Variants in XRCC4 observed in about 807,000 individuals in gnomAD.
XRCC4 encodes DNA repair protein XRCC4.
A neutral mutation model predicts 39.1 loss-of-function variants in XRCC4; 28 were observed. The ratio of observed to expected loss-of-function variants is 0.72; its 90% CI spans 0.53 to 0.98. The LOEUF is 0.98. XRCC4 is among the 50% of genes least tolerant of loss of function. The probability of loss-of-function intolerance (pLI) is 0.00; values close to 1 mark genes in which losing one functional copy is unlikely to be tolerated. For synonymous variants in XRCC4, 123 were observed against 126.4 expected, an observed-to-expected ratio of 0.97 and a Z score of 0.18; for missense variants, 350 against 376.4, an observed-to-expected ratio of 0.93 and a Z score of 0.58.
intron 6 of XRCC4, among the ~76,000 whole-genome samples, chr5:83,227,524 G>A (rs1347541332): frequency 6.6e-6 from 1 of 151,940 alleles, no homozygotes; most frequent in African/African-American, 2.4e-5. Context: ...AATTATCTAC[G>A]TGATTTTTAC....
intron 7 of XRCC4, among the ~76,000 whole-genome samples, chr5:83,309,266 C>CAAAAAAAAAAAAAA (rs59326460): frequency 5.8e-5 from 1 of 17,388 alleles, no homozygotes; most frequent in African/African-American, 1.3e-4. Context: ...GACTCCGTCT[C>CAAAAAAAAAAAAAA]AAAAAAAAAA....
intron 7 of XRCC4, among the ~76,000 whole-genome samples, chr5:83,340,876 C>T (rs1756736854): frequency 6.6e-6 from 1 of 152,194 alleles, no homozygotes; most frequent in South Asian, 2.1e-4. Context: ...AATCACTAAC[C>T]TCCATGGCTA....
intron 2 of XRCC4, among the ~76,000 whole-genome samples, chr5:83,105,382 C>G (rs1212300206): frequency 6.6e-6 from 1 of 152,118 alleles, no homozygotes; most frequent in Non-Finnish European, 1.5e-5. Flanking sequence ...GGGAAGAAGT[C>G]TGGGGCAGAG....
At chr5:83,360,746 C>T in the XRCC4 span, among the ~76,000 whole-genome samples, 870 of 151,920 alleles carry the variant, frequency 5.7e-3, 4 homozygotes, top group Admixed American at 0.011. Context: ...GCCCACTCCC[C>T]TGAAACCTTT....
chr5:83,119,306 T>G (rs111256402), intron 3 of XRCC4, among the ~76,000 whole-genome samples: 13 of 152,202 alleles, frequency 8.5e-5, no homozygotes, highest in African/African-American at 2.7e-4. Context: ...GATGTGTTGT[T>G]TGAATGCCTG....
chr5:83,270,605 C>T (rs1397882859), intron 7 of XRCC4, among the ~76,000 whole-genome samples: 2 of 151,890 alleles, frequency 1.3e-5, no homozygotes, highest in Non-Finnish European at 2.9e-5. Context: ...CTTTATACTT[C>T]TCCGCATGTC....
chr5:83,179,163 T>G (rs1750093836), intron 3 of XRCC4, among the ~76,000 whole-genome samples: 1 of 152,202 alleles, frequency 6.6e-6, no homozygotes, highest in Non-Finnish European at 1.5e-5. Flanking sequence ...AGAAGAAGCA[T>G]TTTTAGTGTT....
chr5:83,218,522 C>CA (rs1751960508), intron 6 of XRCC4, among the ~76,000 whole-genome samples: 1 of 151,974 alleles, frequency 6.6e-6, no homozygotes, highest in African/African-American at 2.4e-5. Context: ...TTTGAGGATA[C>CA]AGTTTTAAAA....
chr5:83,135,824 CT>C (rs534482506), intron 3 of XRCC4, among the ~76,000 whole-genome samples: 23 of 152,166 alleles, frequency 1.5e-4, no homozygotes, highest in Non-Finnish European at 2.9e-4. Context: ...TTGTAATAAC[CT>C]TTAATGACCT....
At chr5:83,304,098 A>G (rs1180319227) in intron 7 of XRCC4, among the ~76,000 whole-genome samples, 6 of 152,130 alleles carry the variant, frequency 3.9e-5, no homozygotes, top group Non-Finnish European at 8.8e-5. Context: ...ATATGATCTG[A>G]AACTGTAAAA....
At chr5:83,080,893 G>T (rs911454062) in intron 1 of XRCC4, among the ~76,000 whole-genome samples, 1 of 152,184 alleles carries the variant, frequency 6.6e-6, no homozygotes, top group Non-Finnish European at 1.5e-5. Context: ...TGTTGATGTT[G>T]TTAAGAACTA....
intron 7 of XRCC4, among the ~76,000 whole-genome samples, chr5:83,349,838 G>A (rs1281146343): frequency 6.6e-6 from 1 of 152,034 alleles, no homozygotes; most frequent in Non-Finnish European, 1.5e-5. Context: ...TGATACTGAG[G>A]TTTAGGATAG....
chr5:83,183,434 G>GTGTGTA (rs1750293253), intron 3 of XRCC4, among the ~76,000 whole-genome samples: 1 of 151,372 alleles, frequency 6.6e-6, no homozygotes, highest in Non-Finnish European at 1.5e-5. Flanking sequence ...GTGTGTGTGT[G>GTGTGTA]TGTGTGTGTG....
intron 3 of XRCC4, among the ~76,000 whole-genome samples, chr5:83,138,219 G>A (rs1747993378): frequency 6.6e-6 from 1 of 152,116 alleles, no homozygotes. Context: ...CATAGTCAGA[G>A]CACACATTAT....
the XRCC4 span, among the ~76,000 whole-genome samples, chr5:83,362,294 C>CAAAAAAAAAAAAAAA: frequency 6.8e-5 from 5 of 73,166 alleles, no homozygotes; most frequent in East Asian, 1.0e-3. Flanking sequence ...GCTATTTAGG[C>CAAAAAAAAAAAAAAA]AAAAAAAAAA....
intron 3 of XRCC4, among the ~76,000 whole-genome samples, chr5:83,159,091 A>G (rs1749088560): frequency 6.6e-6 from 1 of 152,174 alleles, no homozygotes. Context: ...GAGATTAATG[A>G]ACAGAGGACT....
At chr5:83,130,032 C>T (rs916252178) in intron 3 of XRCC4, among the ~76,000 whole-genome samples, 15 of 152,118 alleles carry the variant, frequency 9.9e-5, no homozygotes, top group Middle Eastern at 3.4e-3. Flanking sequence ...GAGAGGGCAT[C>T]CCTGTCTTGT....
At chr5:83,294,968 G>T (rs1036311578) in intron 7 of XRCC4, among the ~76,000 whole-genome samples, 16 of 151,978 alleles carry the variant, frequency 1.1e-4, no homozygotes, top group African/African-American at 2.4e-4. Context: ...GACAAATAAT[G>T]CTTCCCTGGA....
chr5:83,254,240 A>G (rs1442593734), intron 6 of XRCC4, among the ~76,000 whole-genome samples: 1 of 152,082 alleles, frequency 6.6e-6, no homozygotes, highest in Non-Finnish European at 1.5e-5. Context: ...TATCGAATCC[A>G]TACTTTTCTG....
Sources: gnomAD v4.1 joint callset for allele counts (sites outside exome capture counted in the v4.1 genomes callset) on GRCh38, gnomAD v4.1.1 for gene constraint, MANE v1.5 for transcripts, NCBI Gene and HGNC (gene_info 2026-07-23, HGNC 2026-07-21) for gene names.